LPIN2: variants seen among roughly 807,000 people sequenced by gnomAD.
The protein encoded by LPIN2 is lipin 2.
A neutral mutation model predicts 111.4 loss-of-function variants in LPIN2; 55 were observed. That is an observed-to-expected ratio of 0.49 (90% confidence interval 0.40 to 0.62). The LOEUF (loss-of-function observed/expected upper bound fraction) is 0.62. Ranked by LOEUF, LPIN2 falls within the 20% of genes least tolerant of loss-of-function variation. The pLI is 0.00. For missense variants in LPIN2, 992 were observed against 1,112.1 expected, an observed-to-expected ratio of 0.89 and a Z score of 1.54; for synonymous variants, 425 against 414.0, an observed-to-expected ratio of 1.03 and a Z score of -0.32.
intron 1 of LPIN2, among the ~76,000 whole-genome samples, chr18:3,004,228 T>C (rs1366644005): frequency 1.3e-5 from 2 of 152,184 alleles, no homozygotes; most frequent in Non-Finnish European, 2.9e-5. Context: ...TGTGATCTTA[T>C]TGCCCTTTGA....
chr18:2,982,380 A>G (rs1281878739), intron 1 of LPIN2, among the ~76,000 whole-genome samples: 3 of 152,168 alleles, frequency 2.0e-5, no homozygotes, highest in Non-Finnish European at 4.4e-5. Context: ...AAAAATTCTC[A>G]GTTTAAAACA....
At chr18:3,012,466 C>T (rs1420650611) in intron 1 of LPIN2, among the ~76,000 whole-genome samples, 1 of 150,832 alleles carries the variant, frequency 6.6e-6, no homozygotes, top group Non-Finnish European at 1.5e-5. Context: ...TGAACGTGTT[C>T]CTCACAAATT....
intron 1 of LPIN2, among the ~76,000 whole-genome samples, chr18:2,980,622 T>C (rs2078094696): frequency 6.6e-6 from 1 of 152,212 alleles, no homozygotes; most frequent in African/African-American, 2.4e-5. Flanking sequence ...CCCATGTCCT[T>C]TGATAAATAG....
At chr18:2,963,896 CTCTT>C (rs1568580531) in intron 1 of LPIN2, among the ~76,000 whole-genome samples, 1 of 146,246 alleles carries the variant, frequency 6.8e-6, no homozygotes, top group African/African-American at 2.6e-5. Flanking sequence ...CTGGAAACAA[CTCTT>C]TTTTTGAAAG....
At chr18:2,964,047 T>G (rs984551125) in intron 1 of LPIN2, among the ~76,000 whole-genome samples, 8 of 151,718 alleles carry the variant, frequency 5.3e-5, no homozygotes, top group Admixed American at 3.3e-4. Context: ...TCTGAGAGGC[T>G]GAGGCAAGCA....
rs2077116682 is a variant in LPIN2 at position 2,925,399 on chromosome 18, G to A, written c.1794-31C>T. 4.3e-6 allele frequency: 7 copies of A among 1,613,700 alleles called. No individual in the cohort carries two copies. Among genetic ancestry groups the A allele is most frequent in the Non-Finnish European group, 5.9e-6 (7 of 1,179,888 alleles). ...CAACATTAGCCCAGTTACGGAAGAG[G>A]CAGCAGGGCATTTTATTGATGAGAG... On this transcript the variant is annotated intron_variant, in intron 13 of 19. Coordinates refer to ENST00000677752, the MANE Select transcript of LPIN2 (RefSeq NM_001375808.2). The surrounding 1 kb of genome is among the most constrained non-coding windows in gnomAD (Gnocchi z 4.1).
chr18:2,945,819 G>T (rs1014577039), intron 4 of LPIN2: 1 of 1,452,958 alleles, frequency 6.9e-7, no homozygotes, highest in South Asian at 1.1e-5. Flanking sequence ...TACTGAAATG[G>T]TAACTTCACC....
At chr18:2,941,598 T>C (rs192325163) in intron 4 of LPIN2, among the ~76,000 whole-genome samples, 5 of 152,280 alleles carry the variant, frequency 3.3e-5, no homozygotes, top group Non-Finnish European at 7.4e-5. Context: ...TGGTGTAGCA[T>C]GTTGAAATCT....
intron 1 of LPIN2, among the ~76,000 whole-genome samples, chr18:2,963,424 G>A (rs538951713): frequency 6.6e-6 from 1 of 151,188 alleles, no homozygotes; most frequent in Admixed American, 6.6e-5. Context: ...ACCTGGGAAA[G>A]CCACACTCTG....
At chr18:2,981,188 T>C (rs1224512180) in intron 1 of LPIN2, among the ~76,000 whole-genome samples, 1 of 151,616 alleles carries the variant, frequency 6.6e-6, no homozygotes, top group African/African-American at 2.4e-5. Flanking sequence ...AAGGATGTGA[T>C]TTGTAAGGAG....
At chr18:2,989,865 A>T (rs1315477167) in intron 1 of LPIN2, among the ~76,000 whole-genome samples, 1 of 151,270 alleles carries the variant, frequency 6.6e-6, no homozygotes, top group Non-Finnish European at 1.5e-5. Context: ...AGCTGCAGTG[A>T]GCTGAGATTG....
chr18:2,995,629 T>A (rs1278928042), intron 1 of LPIN2, among the ~76,000 whole-genome samples: 1 of 152,102 alleles, frequency 6.6e-6, no homozygotes, highest in African/African-American at 2.4e-5. Context: ...TAAAAATGAG[T>A]GTCAATACCA....
chr18:2,934,483 A>G, intron 7 of LPIN2, 33 bp from the exon 8 acceptor site: 1 of 1,388,104 alleles, frequency 7.2e-7, no homozygotes, highest in East Asian at 2.3e-5. Context: ...GTAAGAATTT[A>G]GTTATTCTTC....
Position 2,920,884 on chromosome 18 carries a change from G to A in LPIN2, c.2443-3C>T. The A allele has an allele frequency of 1.9e-6, 3 of 1,602,920 alleles. No individual in the cohort carries two copies. Among genetic ancestry groups the A allele is most frequent in the Middle Eastern group, 1.7e-4 (1 of 6,042 alleles). ...ACTTGTGTGTAGGCATAGACATCCTGCAGAAGAAAATAGCAAGCGGGTGAT... is the reference window on the plus strand; with the variant it reads ...ACTTGTGTGTAGGCATAGACATCCTACAGAAGAAAATAGCAAGCGGGTGAT... On this transcript the variant is annotated splice_polypyrimidine_tract_variant and splice_region_variant and intron_variant, in intron 18 of 19. Coordinates refer to ENST00000677752, the MANE Select transcript of LPIN2 (RefSeq NM_001375808.2).
chr18:2,981,369 G>T, intron 1 of LPIN2, among the ~76,000 whole-genome samples: 1 of 152,158 alleles, frequency 6.6e-6, no homozygotes, highest in Admixed American at 6.5e-5. Flanking sequence ...CATGGGACAG[G>T]GAGGTGACTC....
intron 4 of LPIN2, among the ~76,000 whole-genome samples, chr18:2,942,183 C>A (rs375605795): frequency 6.6e-6 from 1 of 152,300 alleles, no homozygotes; most frequent in East Asian, 1.9e-4. Context: ...ATAGCTTAAT[C>A]TTTTAATTTA....
At chr18:2,986,388 T>C (rs1168523464) in intron 1 of LPIN2, among the ~76,000 whole-genome samples, 1 of 152,112 alleles carries the variant, frequency 6.6e-6, no homozygotes, top group Non-Finnish European at 1.5e-5. Flanking sequence ...CAAACAGATC[T>C]TTCCAGGAAC....
chr18:2,966,108 G>T (rs571849512), intron 1 of LPIN2, among the ~76,000 whole-genome samples: 8 of 152,030 alleles, frequency 5.3e-5, no homozygotes, highest in African/African-American at 1.9e-4. Context: ...GCTAATTCTT[G>T]TATTTTTTTG....
intron 1 of LPIN2, among the ~76,000 whole-genome samples, chr18:3,012,674 CCCGCGCGCCTT>C (rs574702214): frequency 1.3e-5 from 2 of 152,158 alleles, no homozygotes; most frequent in South Asian, 2.1e-4. Context: ...GACGCGGCCT[CCCGCGCGCCTT>C]CCGCACTCCC....
Sources: gnomAD v4.1 joint callset for allele counts (sites outside exome capture counted in the v4.1 genomes callset) on GRCh38, gnomAD v4.1.1 for gene constraint, Gnocchi (gnomAD v3.1) non-coding constraint, MANE v1.5 for transcripts, NCBI Gene and HGNC (gene_info 2026-07-23, HGNC 2026-07-21) for gene names.